Variants in MYH10 observed in about 807,000 individuals in gnomAD.
MYH10 encodes myosin heavy chain 10.
MYH10 carries 55 observed loss-of-function variants against 257.8 expected under a neutral mutation model. The observed-to-expected ratio is 0.21, with a 90% confidence interval of 0.17 to 0.27. The LOEUF (loss-of-function observed/expected upper bound fraction) is 0.27, where lower values mean the gene tolerates loss of function less well. MYH10 is among the 10% of genes least tolerant of loss of function. The pLI is 1.00. For synonymous variants in MYH10, 854 were observed against 921.7 expected (o/e 0.93, Z 1.33); for missense variants, 1,631 against 2,500.6 (o/e 0.65, Z 7.42).
At chr17:8,580,891 G>A (rs2083680022) in intron 4 of MYH10, among the ~76,000 whole-genome samples, 1 of 152,042 alleles carries the variant, frequency 6.6e-6, no homozygotes, top group African/African-American at 2.4e-5. Context: ...AAGGATATAA[G>A]GAATGCTGCA....
chr17:8,610,878 AAT>A (rs2085013338), intron 2 of MYH10, among the ~76,000 whole-genome samples: 1 of 152,184 alleles, frequency 6.6e-6, no homozygotes, highest in Non-Finnish European at 1.5e-5. Context: ...AACCAATCTC[AAT>A]ATGTCAACCT....
At position 8,475,133 on chromosome 17, in the gene MYH10, A is replaced by G. The variant is rs1316059953; in HGVS notation, c.*671T>C. On this transcript the variant is annotated 3_prime_UTR_variant, in exon 43 of 43. Transcript: ENST00000360416. The stretch of plus-strand genomic sequence containing the variant: ...TTCTATGCACAGACCAGCCCTCGCC[A>G]AGGCCAGTTCACATGAGTAGATGCG... 2 of 152,518 alleles carry G rather than the reference A, an allele frequency of 1.3e-5. No homozygotes were observed. Among genetic ancestry groups the G allele is most frequent in the African/African-American group, 4.8e-5 (2 of 41,444 alleles). The allele number at this position is 152,518 out of a possible 1,614,324, so 9.4% of individuals were successfully genotyped here.
In MYH10 at chr17:8,520,898, A is replaced by T. The variant is rs201778296; in HGVS notation, c.2253T>A (p.Val751=). 32 of 1,611,538 alleles carry T rather than the reference A, an allele frequency of 2.0e-5. No individual in the cohort carries two copies. The highest frequency in any genetic ancestry group is 2.7e-5 in the Non-Finnish European group (32 of 1,179,038). ...AATACCTCTGTCTGAATTCCTGGAAAACTATTCGGTTAGGGAAGCCCTGGC... is the reference window on the plus strand; with the variant it reads ...AATACCTCTGTCTGAATTCCTGGAATACTATTCGGTTAGGGAAGCCCTGGC... The part of the protein sequence containing the change: ...ICRQGFPNRI[V]FQEFRQRYEI... Residue 751 remains valine, a synonymous_variant, in exon 19 of 43, where the codon GTT becomes GTA. Coordinates refer to ENST00000360416, the MANE Select transcript of MYH10 (RefSeq NM_001256012.3).
chr17:8,562,337 T>G (rs1473898067), intron 7 of MYH10, among the ~76,000 whole-genome samples: 1 of 152,280 alleles, frequency 6.6e-6, no homozygotes, highest in South Asian at 2.1e-4. Context: ...CAAAGGTGAC[T>G]TTTCTTTCTT....
At chr17:8,517,453 TG>T (rs1196159617) in intron 21 of MYH10, among the ~76,000 whole-genome samples, 2 of 149,890 alleles carry the variant, frequency 1.3e-5, no homozygotes, top group East Asian at 3.9e-4. Flanking sequence ...ACTGTCTGGA[TG>T]GCAAACTATT....
At chr17:8,511,071 T>TATATATATATATAC (rs1336387130) in intron 24 of MYH10, 2 of 82,322 alleles carry the variant, frequency 2.4e-5, no homozygotes, top group East Asian at 5.3e-4. Context: ...CACACATACA[T>TATATATATATATAC]ACATACACAC....
chr17:8,482,598 C>T (rs1567771316), intron 37 of MYH10, among the ~76,000 whole-genome samples: 2 of 152,048 alleles, frequency 1.3e-5, no homozygotes, highest in South Asian at 2.1e-4. Flanking sequence ...GAGGGACCCA[C>T]GGGAGAAAGG....
intron 1 of MYH10, among the ~76,000 whole-genome samples, chr17:8,627,142 T>C (rs1471806008): frequency 6.6e-6 from 1 of 152,052 alleles, no homozygotes; most frequent in Non-Finnish European, 1.5e-5. Flanking sequence ...GTGTGTATTT[T>C]TTTTTTAAAC....
At chr17:8,496,598 C>G (rs964221240) in intron 30 of MYH10, among the ~76,000 whole-genome samples, 3 of 152,172 alleles carry the variant, frequency 2.0e-5, no homozygotes, top group Non-Finnish European at 4.4e-5. Context: ...ACTGTCACTC[C>G]CCTCCCTTCC....
intron 24 of MYH10, chr17:8,511,310 AAG>A (rs1288613163): frequency 6.6e-6 from 1 of 152,150 alleles, no homozygotes; most frequent in Non-Finnish European, 1.5e-5. Flanking sequence ...ACCTGAGGTC[AAG>A]AGTTCGAGAC....
chr17:8,577,360 G>C (rs1380961545), intron 4 of MYH10, 22 bp from the exon 5 acceptor site: 1 of 1,564,162 alleles, frequency 6.4e-7, no homozygotes, highest in Admixed American at 1.7e-5. Flanking sequence ...AGTTAATATA[G>C]GCTGCTTTAA....
At chr17:8,505,008 G>T in intron 27 of MYH10, 102 bp from the exon 28 acceptor site, 1 of 922,840 alleles carries the variant, frequency 1.1e-6, no homozygotes, top group South Asian at 1.5e-5. Flanking sequence ...CGAGACCCCA[G>T]CCCCACATCC....
In MYH10 at chr17:8,506,508, G is replaced by A; in HGVS notation, c.3215-19C>T. The A allele has an allele frequency of 1.2e-6, 2 of 1,606,588 alleles. No individual in the cohort carries two copies. Among genetic ancestry groups the A allele is most frequent in the Non-Finnish European group, 8.5e-7 (1 of 1,178,170 alleles). On this transcript the variant is annotated intron_variant, in intron 26 of 42. Transcript: ENST00000360416. This position sits in a 1 kb window ranked among gnomAD's most constrained non-coding sequence, Gnocchi z 5.0. ...AAGCGTTCTTTAAGGTAAGACATAA[G>A]AAGCTCTTCAACACACCGAGTGACT...
rs151185692 is a variant in MYH10 at position 8,516,560 on chromosome 17, C to A, written c.2504+2071G>T. ...AGATGAAATAATGCAAGTGAAATATCTTTGTTTTTAACTTTCTATCTTGAA... is the reference window on the plus strand; with the variant it reads ...AGATGAAATAATGCAAGTGAAATATATTTGTTTTTAACTTTCTATCTTGAA... On this transcript the variant is annotated intron_variant, in intron 21 of 42. Transcript: ENST00000360416. 2.1e-3 allele frequency among the ~76,000 whole-genome samples: 321 copies of A among 152,280 alleles called. 2 individuals carry two copies. Among genetic ancestry groups the A allele is most frequent in the Middle Eastern group, 0.01 (3 of 294 alleles).
At chr17:8,496,292 A>G (rs1227880024) in intron 30 of MYH10, among the ~76,000 whole-genome samples, 3 of 152,244 alleles carry the variant, frequency 2.0e-5, no homozygotes, top group Non-Finnish European at 4.4e-5. Context: ...GCACAGCCAC[A>G]GCAGAGCACA....
chr17:8,487,653 C>T (rs1285222920), intron 35 of MYH10, 59 bp from the exon 36 acceptor site: 4 of 1,600,738 alleles, frequency 2.5e-6, no homozygotes, highest in Admixed American at 1.7e-5. Context: ...GCAGAACAGG[C>T]AGACTGTTCT....
At position 8,490,701 on chromosome 17, in the gene MYH10, C is replaced by T; in HGVS notation, c.4672-149G>A. 1.5e-6 allele frequency: 1 copy of T among 677,938 alleles called. No homozygotes were observed. Among genetic ancestry groups the T allele is most frequent in the Non-Finnish European group, 2.6e-6 (1 of 382,666 alleles). 42.0% of individuals were successfully genotyped at this position (677,938 alleles called of 1,614,324 possible). On this transcript the variant is annotated intron_variant, in intron 34 of 42. Transcript: ENST00000360416. The surrounding 1 kb of genome is among the most constrained non-coding windows in gnomAD (Gnocchi z 4.1). ...CCCTGCCACATGCATACACATCCTT[C>T]CCTCTCCCCTGAAAGCTGCTGCTAT...
chr17:8,550,730 C>T (rs1413648702), intron 9 of MYH10, among the ~76,000 whole-genome samples: 3 of 151,900 alleles, frequency 2.0e-5, no homozygotes, highest in South Asian at 2.1e-4. Context: ...ATTGAGAAAT[C>T]GGATGGTTGC....
chr17:8,570,897 G>A (rs1380897717), intron 6 of MYH10, among the ~76,000 whole-genome samples: 1 of 152,140 alleles, frequency 6.6e-6, no homozygotes, highest in African/African-American at 2.4e-5. Flanking sequence ...GTGGGGAAGT[G>A]TTCCTCAGGC....
Sources: allele counts gnomAD v4.1 joint callset (sites outside exome capture counted in the v4.1 genomes callset), GRCh38; gene constraint gnomAD v4.1.1; non-coding constraint Gnocchi (gnomAD v3.1); transcripts MANE v1.5; gene names NCBI Gene and HGNC (gene_info 2026-07-23, HGNC 2026-07-21).